BAZ1B: variants seen among roughly 807,000 people sequenced by gnomAD.
The protein encoded by BAZ1B is bromodomain adjacent to zinc finger domain 1B.
Under a neutral mutation model 153.8 loss-of-function variants are expected in BAZ1B, and 22 were observed. The ratio of observed to expected loss-of-function variants is 0.14; its 90% CI spans 0.10 to 0.20. The LOEUF is 0.20. Ranked by LOEUF, BAZ1B falls within the 10% of genes least tolerant of loss-of-function variation. BAZ1B has a pLI of 1.00. For missense variants in BAZ1B, 1,325 were observed against 1,799.3 expected (o/e 0.74, Z 4.77); for synonymous variants, 676 against 633.4 (o/e 1.07, Z -1.01).
intron 3 of BAZ1B, among the ~76,000 whole-genome samples, chr7:73,503,178 T>C (rs1790204712): frequency 6.6e-6 from 1 of 152,196 alleles, no homozygotes; most frequent in Non-Finnish European, 1.5e-5. Flanking sequence ...CCGAGTGCTT[T>C]CCAAAATATA....
chr7:73,491,441 A>C (rs1030089649), intron 5 of BAZ1B, among the ~76,000 whole-genome samples: 1 of 152,050 alleles, frequency 6.6e-6, no homozygotes, highest in Non-Finnish European at 1.5e-5. Context: ...CTCTACAAAA[A>C]ACACAAAATT....
At chr7:73,516,761 T>C (rs1790814368) in intron 1 of BAZ1B, among the ~76,000 whole-genome samples, 1 of 84,968 alleles carries the variant, frequency 1.2e-5, no homozygotes, top group Non-Finnish European at 2.1e-5. Flanking sequence ...GGCGACAGAC[T>C]GTGACTGTCT....
intron 3 of BAZ1B, among the ~76,000 whole-genome samples, chr7:73,504,016 C>T (rs1306462858): frequency 2.0e-5 from 3 of 152,212 alleles, no homozygotes; most frequent in African/African-American, 7.2e-5. Context: ...CCACTCCCTC[C>T]CTCTGCTTCC....
At position 73,447,324 on chromosome 7, in the gene BAZ1B, C is replaced by G. The variant is rs1490346155; in HGVS notation, c.3784G>C (p.Glu1262Gln). Residue 1262 changes from glutamate to glutamine, a missense_variant, in exon 16 of 20, where the codon GAG becomes CAG. Transcript: ENST00000339594. ...EDSEDDESDE[E>Q]EEEEEEEEEE... ...TCCTCCTCTTCTTCCTCCTCCTCCTCTTCATCACTCTCATCATCTTCACTG... is the reference window on the plus strand; with the variant it reads ...TCCTCCTCTTCTTCCTCCTCCTCCTGTTCATCACTCTCATCATCTTCACTG... 1.2e-6 allele frequency: 2 copies of G among 1,613,280 alleles called. No homozygotes were observed. Among genetic ancestry groups the G allele is most frequent in the African/African-American group, 2.7e-5 (2 of 74,904 alleles).
chr7:73,455,027 GGTGT>G (rs140946302), intron 13 of BAZ1B, among the ~76,000 whole-genome samples: 8 of 149,572 alleles, frequency 5.3e-5, no homozygotes, highest in Non-Finnish European at 3.0e-5. Context: ...CCACACTCGG[GGTGT>G]GTGTGTGTGT....
At chr7:73,500,021 C>T (rs976503273) in intron 3 of BAZ1B, among the ~76,000 whole-genome samples, 1 of 151,924 alleles carries the variant, frequency 6.6e-6, no homozygotes, top group African/African-American at 2.4e-5. Context: ...GTTATGTTGC[C>T]GAGTCTGGCC....
chr7:73,498,842 T>A, intron 3 of BAZ1B, 144 bp from the exon 4 acceptor site: 1 of 691,954 alleles, frequency 1.4e-6, no homozygotes, highest in Non-Finnish European at 2.4e-6. Flanking sequence ...AATGAAGTGT[T>A]TTCAACTTTT....
chr7:73,460,581 C>T (rs536063313), intron 12 of BAZ1B, among the ~76,000 whole-genome samples: 1 of 152,264 alleles, frequency 6.6e-6, no homozygotes, highest in East Asian at 1.9e-4. Context: ...AACTCCCAGA[C>T]TCAAGTGATC....
chr7:73,492,263 T>C (rs1395643974), intron 5 of BAZ1B, among the ~76,000 whole-genome samples: 6 of 151,748 alleles, frequency 4.0e-5, no homozygotes, highest in Non-Finnish European at 7.4e-5. Flanking sequence ...CCCAGGTTCA[T>C]GCCATTCTCC....
chr7:73,442,140 TC>T, intron 19 of BAZ1B, 40 bp downstream of exon 19: 1 of 269,540 alleles, frequency 3.7e-6, no homozygotes, highest in Non-Finnish European at 7.3e-6. Context: ...CTCGCCTCCC[TC>T]CCACCCTCCC....
chr7:73,503,438 C>A (rs188951802), intron 3 of BAZ1B, among the ~76,000 whole-genome samples: 1 of 151,596 alleles, frequency 6.6e-6, no homozygotes, highest in African/African-American at 2.4e-5. Flanking sequence ...TACAGTGGTG[C>A]GATCATAGCT....
chr7:73,494,911 G>C (rs1554576211), intron 4 of BAZ1B, among the ~76,000 whole-genome samples: 1 of 152,200 alleles, frequency 6.6e-6, no homozygotes, highest in African/African-American at 2.4e-5. Context: ...AAAAGAATGA[G>C]AGAACAATTC....
intron 1 of BAZ1B, among the ~76,000 whole-genome samples, chr7:73,511,157 A>T (rs561930006): frequency 3.4e-4 from 52 of 151,998 alleles, no homozygotes; most frequent in Non-Finnish European, 6.2e-4. Flanking sequence ...AGTCCCAGCT[A>T]CTCAGGAGGC....
chr7:73,520,915 T>A (rs1041421641), intron 1 of BAZ1B, among the ~76,000 whole-genome samples: 7 of 152,152 alleles, frequency 4.6e-5, no homozygotes, highest in African/African-American at 1.7e-4. Context: ...TTTGTTTTTT[T>A]TACAGATAAG....
chr7:73,446,538 G>C (rs1436649323), intron 16 of BAZ1B, among the ~76,000 whole-genome samples: 1 of 110,738 alleles, frequency 9.0e-6, no homozygotes, highest in Non-Finnish European at 1.7e-5. Flanking sequence ...GCGACAGTGA[G>C]ACCATCTCAA....
At chr7:73,469,860 G>A (rs1267347130) in intron 8 of BAZ1B, among the ~76,000 whole-genome samples, 1 of 152,120 alleles carries the variant, frequency 6.6e-6, no homozygotes, top group African/African-American at 2.4e-5. Context: ...CTTAATGTTC[G>A]TAATTTGTAT....
At chr7:73,514,496 G>A (rs531480271) in intron 1 of BAZ1B, among the ~76,000 whole-genome samples, 2 of 149,834 alleles carry the variant, frequency 1.3e-5, no homozygotes, top group Non-Finnish European at 3.0e-5. Flanking sequence ...TCATGCCATT[G>A]CACTGTAGCC....
intron 1 of BAZ1B, among the ~76,000 whole-genome samples, chr7:73,518,286 G>A (rs546139093): frequency 4.0e-4 from 61 of 151,458 alleles, no homozygotes; most frequent in Admixed American, 9.9e-4. Flanking sequence ...GGTGGCGGGC[G>A]CCTGTAGTCC....
intron 11 of BAZ1B, chr7:73,464,065 T>C: frequency 1.1e-6 from 1 of 894,468 alleles, no homozygotes; most frequent in Non-Finnish European, 1.3e-6. Context: ...CAATTCTGAA[T>C]ACAGTTTTAC....
Sources: allele counts gnomAD v4.1 joint callset (sites outside exome capture counted in the v4.1 genomes callset), GRCh38; gene constraint gnomAD v4.1.1; transcripts MANE v1.5; gene names NCBI Gene and HGNC (gene_info 2026-07-23, HGNC 2026-07-21).